Variants in DNAH17 observed in about 807,000 individuals in gnomAD.
The protein encoded by DNAH17 is dynein axonemal heavy chain 17.
A neutral mutation model predicts 485.6 loss-of-function variants in DNAH17; 376 were observed. The observed-to-expected ratio is 0.77, with a 90% CI of 0.71 to 0.84. DNAH17 has a LOEUF of 0.84. Among genes scored for constraint, DNAH17 ranks in the 40% least tolerant of loss-of-function variants. The pLI, the probability that DNAH17 is intolerant of heterozygous loss-of-function variation, is 0.00. For missense variants in DNAH17, 6,370 were observed against 5,839.3 expected, an observed-to-expected ratio of 1.09 and a Z score of -2.96; for synonymous variants, 3,031 against 2,405.9, an observed-to-expected ratio of 1.26 and a Z score of -7.60.
At chr17:78,427,235 G>T in intron 77 of DNAH17, 127 bp from the exon 78 acceptor site, 2 of 939,440 alleles carry the variant, frequency 2.1e-6, no homozygotes, top group South Asian at 3.1e-5. Flanking sequence ...GGCAAGTAGA[G>T]TTGCCAGAAA....
chr17:78,429,132 G>C lies in DNAH17; in HGVS notation c.12394C>G (p.Leu4132Val), dbSNP rs756452163. 3.1e-6 allele frequency: 5 copies of C among 1,613,400 alleles called. No individual in the cohort carries two copies. In the East Asian group the frequency reaches 1.1e-4, roughly 36 times the overall value. ...CTTGTCATCCTTACCTTGTAGTCCAGGTTGGGGGGGATCTGAAAGCCGGGG... is the reference window on the plus strand; with the variant it reads ...CTTGTCATCCTTACCTTGTAGTCCACGTTGGGGGGGATCTGAAAGCCGGGG... ...LAPGFQIPPN[L>V]DYKGYHEYID... The change falls in exon 76 of 81, where the codon CTG becomes GTG. Residue 4132 changes from leucine to valine, a missense_variant. Transcript: ENST00000389840.
intron 75 of DNAH17, among the ~76,000 whole-genome samples, chr17:78,433,628 C>T (rs1009699132): frequency 2.6e-5 from 4 of 152,106 alleles, no homozygotes; most frequent in East Asian, 1.9e-4. Context: ...GCCTGCAGCC[C>T]GGGAAGCCCT....
At chr17:78,437,302 T>C (rs2086880351) in intron 74 of DNAH17, among the ~76,000 whole-genome samples, 1 of 152,152 alleles carries the variant, frequency 6.6e-6, no homozygotes. Flanking sequence ...TTGGCCCCAT[T>C]TCCAAGGACC....
At chr17:78,486,756 T>C (rs2089628911) in intron 44 of DNAH17, among the ~76,000 whole-genome samples, 1 of 152,108 alleles carries the variant, frequency 6.6e-6, no homozygotes, top group African/African-American at 2.4e-5. Context: ...ATGGGGGTGC[T>C]GTAGGTCTAG....
At chr17:78,503,220 C>T (rs999661437) in intron 31 of DNAH17, among the ~76,000 whole-genome samples, 1 of 132,638 alleles carries the variant, frequency 7.5e-6, no homozygotes, top group Non-Finnish European at 1.6e-5. Context: ...TGCTCTGTCA[C>T]CCAGGCTGGA....
chr17:78,561,300 C>A (rs1455953622), intron 12 of DNAH17, among the ~76,000 whole-genome samples: 2 of 151,872 alleles, frequency 1.3e-5, no homozygotes, highest in Non-Finnish European at 2.9e-5. Flanking sequence ...AGGCCCCCCT[C>A]CTAGTCAGCT....
intron 69 of DNAH17, among the ~76,000 whole-genome samples, chr17:78,446,965 G>T (rs1415376249): frequency 6.6e-6 from 1 of 151,902 alleles, no homozygotes; most frequent in East Asian, 1.9e-4. Flanking sequence ...GAGAGACAGG[G>T]TGTTGCTCTG....
intron 14 of DNAH17, among the ~76,000 whole-genome samples, chr17:78,555,607 G>A (rs964202110): frequency 1.5e-4 from 22 of 149,870 alleles, no homozygotes; most frequent in African/African-American, 4.4e-4. Flanking sequence ...GTGTGATGAC[G>A]GAAGCACAAG....
rs578179575 is a variant in DNAH17 at position 78,506,897 on chromosome 17, A to G, written c.4677-51T>C. The G allele has an allele frequency of 1.7e-4, 277 of 1,607,300 alleles. 1 individual carries two copies. The Middle Eastern group carries it at 2.1e-3, about 12-fold the overall frequency. On this transcript the variant is annotated intron_variant, in intron 29 of 80. Coordinates refer to ENST00000389840, the MANE Select transcript of DNAH17 (RefSeq NM_173628.4). The stretch of plus-strand genomic sequence containing the variant: ...AGGCCGGTGACCCTACTCTGTAGGG[A>G]TGTCTGCCACCCACCCTGTCGGCGA...
chr17:78,536,062 A>G (rs1348353183), intron 19 of DNAH17, among the ~76,000 whole-genome samples: 1 of 151,982 alleles, frequency 6.6e-6, no homozygotes, highest in African/African-American at 2.4e-5. Context: ...GTCTTGTTTG[A>G]TGCGTTTAGA....
chr17:78,553,365 G>T (rs546108392), intron 14 of DNAH17, among the ~76,000 whole-genome samples: 6 of 123,266 alleles, frequency 4.9e-5, no homozygotes, highest in African/African-American at 1.6e-4. Flanking sequence ...ACAGTGGCGT[G>T]ATCTTGGCTC....
intron 76 of DNAH17, among the ~76,000 whole-genome samples, 171 bp downstream of exon 76, chr17:78,428,950 T>G (rs572617188): frequency 1.9e-4 from 26 of 138,640 alleles, no homozygotes; most frequent in African/African-American, 4.4e-4. Flanking sequence ...AAAAAAAGGT[T>G]GTTTGTATTA....
chr17:78,478,321 CCACCACCATT>C (rs2089182706), intron 51 of DNAH17, among the ~76,000 whole-genome samples: 7 of 139,042 alleles, frequency 5.0e-5, no homozygotes, highest in South Asian at 2.3e-4. Context: ...CACATCACCA[CCACCACCATT>C]ATCACCATCA....
chr17:78,466,740 G>A lies in DNAH17; in HGVS notation c.8855C>T (p.Thr2952Met), dbSNP rs756326276. Residue 2952 changes from threonine (T) to methionine (M), a missense_variant, in exon 56 of 81, where the codon ACG (threonine) becomes ATG (methionine). Thr to Met is a moderately conservative substitution (Grantham distance 81, BLOSUM62 -1). Coordinates refer to ENST00000389840, the MANE Select transcript of DNAH17 (RefSeq NM_173628.4). ...ARKFPAVVNCTAIDWFHEWPE... is the reference protein window; with the variant it reads ...ARKFPAVVNCMAIDWFHEWPE... ...CCACTCGTGGAACCAGTCGATGGCCGTGCAGTTGACCACAGCTGGGAACTT... is the reference window on the plus strand; with the variant it reads ...CCACTCGTGGAACCAGTCGATGGCCATGCAGTTGACCACAGCTGGGAACTT... The A allele has an allele frequency of 4.8e-5, 78 of 1,612,228 alleles. No individual in the cohort carries two copies. In the African/African-American group the frequency reaches 5.7e-4, roughly 12 times the overall value.
intron 15 of DNAH17, 116 bp from the exon 16 acceptor site, chr17:78,551,754 G>T: frequency 1.1e-6 from 1 of 924,346 alleles, no homozygotes; most frequent in Non-Finnish European, 1.7e-6. Context: ...ACGAGGTCGG[G>T]AGTTCGAGAC....
rs1017085195 is a variant in DNAH17 at position 78,558,306 on chromosome 17, G to A, written c.2032-52C>T. Reference sequence around the variant, plus strand: ...CATGTCAGCAGGTCAGGTCAACAGTGCAGTGTTCAAGCAACAGAAATGAGC... The same window carrying A: ...CATGTCAGCAGGTCAGGTCAACAGTACAGTGTTCAAGCAACAGAAATGAGC... On this transcript the variant is annotated intron_variant, in intron 13 of 80. Coordinates refer to ENST00000389840, the MANE Select transcript of DNAH17 (RefSeq NM_173628.4). 18 of 1,594,350 alleles carry A rather than the reference G, an allele frequency of 1.1e-5. No individual in the cohort carries two copies. In the Admixed American group the frequency reaches 3.1e-4, roughly 28 times the overall value.
At chr17:78,428,988 A>G (rs982008021) in intron 76 of DNAH17, 133 bp downstream of exon 76, 1 of 917,476 alleles carries the variant, frequency 1.1e-6, no homozygotes, top group East Asian at 2.5e-5. Flanking sequence ...AGTGAGACGC[A>G]TTTCTCATCC....
At chr17:78,520,632 T>C (rs1299880564) in intron 25 of DNAH17, among the ~76,000 whole-genome samples, 1 of 152,050 alleles carries the variant, frequency 6.6e-6, no homozygotes, top group Non-Finnish European at 1.5e-5. Flanking sequence ...CAATCACTTC[T>C]AAAAAGAAAA....
chr17:78,529,525 G>C lies in DNAH17; in HGVS notation c.3454C>G (p.Leu1152Val), dbSNP rs1460069528. ...ATCTCCTCCCCGTAGGTCTTGAGCA[G>C]CTCGATGGTTTGCTTCAGGGGCTCA... ...MFEPLKQTIELLKTYGEEMPE... is the reference protein window; with the variant it reads ...MFEPLKQTIEVLKTYGEEMPE... Residue 1152 changes from leucine to valine, a missense_variant, in exon 22 of 81, where the codon CTG becomes GTG. Transcript: ENST00000389840. The C allele has an allele frequency of 6.2e-7, 1 of 1,613,972 alleles. No individual in the cohort carries two copies. Among genetic ancestry groups the C allele is most frequent in the Non-Finnish European group, 8.5e-7 (1 of 1,179,898 alleles).
Sources: allele counts gnomAD v4.1 joint callset (sites outside exome capture counted in the v4.1 genomes callset), GRCh38; gene constraint gnomAD v4.1.1; transcripts MANE v1.5; gene names NCBI Gene and HGNC (gene_info 2026-07-23, HGNC 2026-07-21).